Variants in NCOA4 observed in about 807,000 individuals in gnomAD.
The protein encoded by NCOA4 is nuclear receptor coactivator 4, also known as 70 kDa AR-activator.
In NCOA4, 31 loss-of-function variants were observed where a neutral mutation model predicts 69.5. That is an observed-to-expected ratio of 0.45 (90% CI 0.34 to 0.60). NCOA4 has a LOEUF of 0.60. Ranked by LOEUF, NCOA4 falls within the 20% of genes least tolerant of loss-of-function variation. NCOA4 has a pLI of 0.02. For missense variants in NCOA4, 600 were observed against 719.2 expected (o/e 0.83, Z 1.90); for synonymous variants, 228 against 252.4 (o/e 0.90, Z 0.92).
chr10:46,011,313 G>GTC, intron 7 of NCOA4, 107 bp from the exon 8 acceptor site: 1 of 1,155,544 alleles, frequency 8.7e-7, no homozygotes, highest in Non-Finnish European at 1.2e-6. Context: ...TGTCGCCCAG[G>GTC]CTGGAGTGCG....
In NCOA4 at chr10:46,011,993, G is replaced by A. The variant is rs186691033; in HGVS notation, c.715-787C>T. 3.1e-3 allele frequency among the ~76,000 whole-genome samples: 437 copies of A among 143,166 alleles called. 2 individuals carry two copies. The highest frequency in any genetic ancestry group is 4.8e-3 in the Non-Finnish European group (316 of 66,328). The allele number at this position is 143,166 out of a possible 152,430, so 93.9% of individuals were successfully genotyped here. ...GGAGAATGGCATGAACCCGCAGGAC[G>A]GAGCTTGCAGTGAGCCGAGATCCCA... On this transcript the variant is annotated intron_variant, in intron 7 of 9. Coordinates refer to ENST00000581486, the MANE Select transcript of NCOA4 (RefSeq NM_001145263.2).
intron 7 of NCOA4, among the ~76,000 whole-genome samples, chr10:46,012,093 A>AAAAAAAAAAAAG (rs1839262169): frequency 6.7e-6 from 1 of 148,804 alleles, no homozygotes; most frequent in Non-Finnish European, 1.5e-5. Flanking sequence ...AAAAAAAAAA[A>AAAAAAAAAAAAG]AAAAAAAAAA....
chr10:46,011,257 T>C, intron 7 of NCOA4, 51 bp from the exon 8 acceptor site: 1 of 1,512,202 alleles, frequency 6.6e-7, no homozygotes, highest in South Asian at 1.3e-5. Flanking sequence ...ATGACTGCTT[T>C]GGAGATTCTG....
Position 46,014,434 on chromosome 10 carries a change from G to A in NCOA4, c.480+10C>T. Reference sequence around the variant, plus strand: ...GAGAAGTGCCCAGTGAAGCATATGAGATTACTCACAATGGTTTTGAGAGAC... The same window carrying A: ...GAGAAGTGCCCAGTGAAGCATATGAAATTACTCACAATGGTTTTGAGAGAC... On this transcript the variant is annotated intron_variant, in intron 5 of 9. Coordinates refer to ENST00000581486, the MANE Select transcript of NCOA4 (RefSeq NM_001145263.2). 6.3e-7 allele frequency: 1 copy of A among 1,578,618 alleles called. No individual in the cohort carries two copies. Among genetic ancestry groups the A allele is most frequent in the South Asian group, 1.1e-5 (1 of 89,760 alleles).
At chr10:46,017,749 G>T (rs1157037009) in intron 1 of NCOA4, among the ~76,000 whole-genome samples, 1 of 152,106 alleles carries the variant, frequency 6.6e-6, no homozygotes, top group African/African-American at 2.4e-5. Flanking sequence ...GTTTAGGAGC[G>T]AAAGGAAACA....
intron 1 of NCOA4, among the ~76,000 whole-genome samples, chr10:46,021,103 C>G (rs1378369487): frequency 6.6e-6 from 1 of 152,174 alleles, no homozygotes; most frequent in Non-Finnish European, 1.5e-5. Flanking sequence ...TTGCACAAAT[C>G]TATTTGTGAA....
rs782406180 is a variant in NCOA4 at position 46,015,260 on chromosome 10, C to T, written c.148G>A (p.Ala50Thr). 6.9e-6 allele frequency: 11 copies of T among 1,591,736 alleles called. No homozygotes were observed. Among genetic ancestry groups the T allele is most frequent in the Non-Finnish European group, 9.4e-6 (11 of 1,167,730 alleles). The change falls in exon 3 of 10, where the codon GCT (alanine) becomes ACT (threonine). Residue 50 changes from alanine to threonine, a missense_variant. Coordinates refer to ENST00000581486, the MANE Select transcript of NCOA4 (RefSeq NM_001145263.2). ...CGGCTTATGCAACTGTGAATCTGAG[C>T]TTTGACCTAGGAAACACATACATGT... is the stretch of plus-strand genomic sequence containing the variant. ...QIKDNLREVK[A>T]QIHSCISRHL...
intron 5 of NCOA4, among the ~76,000 whole-genome samples, chr10:46,014,026 A>G (rs978339830): frequency 1.3e-5 from 2 of 152,016 alleles, no homozygotes; most frequent in African/African-American, 2.4e-5. Context: ...TAATCAGAAT[A>G]TGAATTTTTT....
chr10:46,006,691 G>T, intron 9 of NCOA4, 94 bp from the exon 10 acceptor site: 1 of 1,124,660 alleles, frequency 8.9e-7, no homozygotes, highest in South Asian at 1.2e-5. Context: ...TCCCAATACA[G>T]GTATACCCTT....
At chr10:46,023,199 C>A (rs1564928341) in intron 1 of NCOA4, 3 of 888,354 alleles carry the variant, frequency 3.4e-6, no homozygotes. Flanking sequence ...GAGCCCTTGC[C>A]CTCGCCCCGG....
chr10:46,021,932 C>A (rs1839894094), intron 1 of NCOA4, among the ~76,000 whole-genome samples: 1 of 152,118 alleles, frequency 6.6e-6, no homozygotes, highest in African/African-American at 2.4e-5. Context: ...TGCACTCCAG[C>A]CTGGGCAACA....
At chr10:46,014,303 C>T in intron 5 of NCOA4, 141 bp downstream of exon 5, 1 of 632,452 alleles carries the variant, frequency 1.6e-6, no homozygotes, top group Non-Finnish European at 2.7e-6. Flanking sequence ...AGGCGTGAGC[C>T]ACCACGCCCA....
rs1554920474 is a variant in NCOA4, at chr10:46,009,158, A to G, written c.1839+253T>C. On this transcript the variant is annotated intron_variant, in intron 9 of 9. Transcript: ENST00000581486. ...AGGTATATAAACTACTAGAATCCAC[A>G]TGGGATCTGAAAATTCCCAACGGTT... 3 of 1,550,994 alleles carry G rather than the reference A, an allele frequency of 1.9e-6. No homozygotes were observed. In the South Asian group the frequency reaches 3.6e-5, roughly 18 times the overall value.
chr10:46,027,967 A>T (rs1554925830), intron 1 of NCOA4, among the ~76,000 whole-genome samples: 2 of 152,250 alleles, frequency 1.3e-5, no homozygotes, highest in Non-Finnish European at 2.9e-5. Context: ...AGAACAGGAT[A>T]TAACAAAGAA....
intron 9 of NCOA4, 25 bp from the exon 10 acceptor site, chr10:46,006,622 T>C (rs1554919846): frequency 1.2e-6 from 2 of 1,613,768 alleles, no homozygotes; most frequent in Non-Finnish European, 1.7e-6. Flanking sequence ...CCACAGATGA[T>C]AAGTTACTTC....
chr10:46,022,359 G>T, intron 1 of NCOA4: 2 of 444,982 alleles, frequency 4.5e-6, no homozygotes, highest in Non-Finnish European at 4.6e-6. Flanking sequence ...CGTCTGTAAA[G>T]CTTTTAGTTT....
At chr10:46,012,789 C>A in intron 7 of NCOA4, 94 bp downstream of exon 7, 1 of 1,312,746 alleles carries the variant, frequency 7.6e-7, no homozygotes, top group Non-Finnish European at 1.0e-6. Context: ...AGACTGCAAC[C>A]AAAAAGTTAA....
chr10:46,010,332 G>T lies in NCOA4; in HGVS notation c.1589C>A (p.Ser530Tyr), dbSNP rs1554920880. The change falls in exon 8 of 10, where the codon TCC becomes TAC. Residue 530 changes from serine to tyrosine, a missense_variant. Physicochemically the swap from Ser to Tyr is moderately radical, Grantham distance 144 (BLOSUM62 -2). Coordinates refer to ENST00000581486, the MANE Select transcript of NCOA4 (RefSeq NM_001145263.2). ...KQKFKSPMNT[S>Y]WCSFNTADWV... ...GTCAGCTGTGTTAAAGGAACACCAGGAAGTATTCATGGGGCTTTTAAACTT... is the reference window on the plus strand; with the variant it reads ...GTCAGCTGTGTTAAAGGAACACCAGTAAGTATTCATGGGGCTTTTAAACTT... The T allele has an allele frequency of 2.5e-6, 4 of 1,614,048 alleles. No individual in the cohort carries two copies. Among genetic ancestry groups the T allele is most frequent in the South Asian group, 1.1e-5 (1 of 91,088 alleles).
chr10:46,028,851 T>C (rs1455875986), intron 1 of NCOA4, among the ~76,000 whole-genome samples: 8 of 151,928 alleles, frequency 5.3e-5, no homozygotes, highest in Admixed American at 2.0e-4. Context: ...GAGACTGAGT[T>C]CAAAGTCCAT....
Sources: gnomAD v4.1 joint callset for allele counts (sites outside exome capture counted in the v4.1 genomes callset) on GRCh38, gnomAD v4.1.1 for gene constraint, MANE v1.5 for transcripts, NCBI Gene and HGNC (gene_info 2026-07-23, HGNC 2026-07-21) for gene names.